The following TENM4 variants were observed in gnomAD, a reference collection of about 807,000 sequenced individuals.
The protein encoded by TENM4 is teneurin transmembrane protein 4.
In TENM4, 82 loss-of-function variants were observed where a neutral mutation model predicts 243.3. The ratio of observed to expected loss-of-function variants is 0.34; its 90% confidence interval spans 0.28 to 0.40. The LOEUF is 0.40. TENM4 is among the 10% of genes least tolerant of loss of function. The pLI is 1.00. For synonymous variants in TENM4, 1,412 were observed against 1,456.3 expected (o/e 0.97, Z 0.69); for missense variants, 3,138 against 3,673.3 (o/e 0.85, Z 3.77).
intron 28 of TENM4, among the ~76,000 whole-genome samples, chr11:78,696,116 T>C (rs1025899690): frequency 6.6e-6 from 1 of 152,118 alleles, no homozygotes; most frequent in Non-Finnish European, 1.5e-5. Context: ...TTGGGTAATT[T>C]CTATTAACCA....
intron 10 of TENM4, among the ~76,000 whole-genome samples, chr11:78,860,530 G>A (rs968529097): frequency 9.2e-5 from 14 of 152,228 alleles, no homozygotes; most frequent in Admixed American, 3.3e-4. Flanking sequence ...CAGAAGGGAT[G>A]AGAAATATGT....
chr11:79,120,941 G>T (rs944257795), intron 4 of TENM4, among the ~76,000 whole-genome samples: 1 of 152,206 alleles, frequency 6.6e-6, no homozygotes, highest in African/African-American at 2.4e-5. Context: ...TGATAAAACT[G>T]AGGCCTCGGG....
intron 26 of TENM4, among the ~76,000 whole-genome samples, chr11:78,708,959 CTTTT>C (rs374229495): frequency 6.7e-5 from 8 of 119,058 alleles, no homozygotes; most frequent in South Asian, 2.4e-4. Context: ...TCTTTTCTTT[CTTTT>C]TCTTTCTTTT....
chr11:78,665,147 CTTTCT>C (rs1009822522), intron 32 of TENM4, among the ~76,000 whole-genome samples: 6 of 151,856 alleles, frequency 4.0e-5, no homozygotes, highest in Admixed American at 6.6e-5. Context: ...TTCCTTCCTT[CTTTCT>C]TTTCTTTTCT....
chr11:79,156,719 T>C (rs1165593449), intron 3 of TENM4, among the ~76,000 whole-genome samples: 2 of 152,202 alleles, frequency 1.3e-5, no homozygotes, highest in Admixed American at 1.3e-4. Flanking sequence ...CTCCGATAAA[T>C]GTCTCCTGTG....
intron 10 of TENM4, among the ~76,000 whole-genome samples, chr11:78,856,809 T>C (rs1206124863): frequency 6.6e-6 from 1 of 152,170 alleles, no homozygotes; most frequent in African/African-American, 2.4e-5. Context: ...TCCTTTGTCT[T>C]TGGATGAGGG....
At chr11:79,355,169 A>G (rs561795402) in intron 1 of TENM4, among the ~76,000 whole-genome samples, 2 of 152,378 alleles carry the variant, frequency 1.3e-5, no homozygotes, top group South Asian at 4.1e-4. Context: ...ATCAAAACTC[A>G]GCAAGTTTGA....
At chr11:79,261,952 C>A (rs567792717) in intron 2 of TENM4, among the ~76,000 whole-genome samples, 1 of 152,206 alleles carries the variant, frequency 6.6e-6, no homozygotes, top group African/African-American at 2.4e-5. Context: ...AAGGGGCCTG[C>A]GGAGGAACAT....
At chr11:78,942,306 G>A (rs536753213) in intron 6 of TENM4, among the ~76,000 whole-genome samples, 4 of 119,552 alleles carry the variant, frequency 3.3e-5, no homozygotes, top group Non-Finnish European at 6.8e-5. Flanking sequence ...AAAAAGCTGG[G>A]CATGGTGGCA....
intron 6 of TENM4, among the ~76,000 whole-genome samples, chr11:78,913,620 TGTGTGTG>T (rs1565123299): frequency 2.0e-4 from 29 of 148,220 alleles, no homozygotes; most frequent in Non-Finnish European, 4.2e-4. Flanking sequence ...TGTGTGTGTG[TGTGTGTG>T]TGAGTGTCGG....
chr11:79,269,005 A>G (rs1855925024), intron 2 of TENM4, among the ~76,000 whole-genome samples: 1 of 152,252 alleles, frequency 6.6e-6, no homozygotes, highest in South Asian at 2.1e-4. Flanking sequence ...AATAGAACAC[A>G]CACGAAACCA....
chr11:79,281,623 A>T (rs571620031), intron 2 of TENM4, among the ~76,000 whole-genome samples: 66 of 152,252 alleles, frequency 4.3e-4, no homozygotes, highest in African/African-American at 1.4e-3. Flanking sequence ...CTGTAGGGCC[A>T]TGGAGGGAAA....
At chr11:78,717,794 T>C (rs1488296656) in intron 25 of TENM4, among the ~76,000 whole-genome samples, 2 of 152,332 alleles carry the variant, frequency 1.3e-5, no homozygotes, top group African/African-American at 2.4e-5. Context: ...TGAGTTAATA[T>C]AATATGTGTA....
At chr11:78,896,604 A>T (rs1038472069) in intron 7 of TENM4, among the ~76,000 whole-genome samples, 11 of 152,068 alleles carry the variant, frequency 7.2e-5, no homozygotes, top group African/African-American at 2.7e-4. Context: ...GCTTGAGCCA[A>T]CTACTTGCCA....
intron 28 of TENM4, among the ~76,000 whole-genome samples, chr11:78,697,810 T>C (rs1250147651): frequency 6.6e-6 from 1 of 152,152 alleles, no homozygotes; most frequent in Non-Finnish European, 1.5e-5. Context: ...GGGTTGCTCA[T>C]ATCCATCCAG....
chr11:79,235,918 C>G (rs113368101), intron 2 of TENM4, among the ~76,000 whole-genome samples: 2 of 151,880 alleles, frequency 1.3e-5, no homozygotes, highest in Non-Finnish European at 2.9e-5. Flanking sequence ...TGGATTCTTT[C>G]GTGCCCTGAT....
At chr11:79,141,874 A>G (rs1263335062) in intron 4 of TENM4, among the ~76,000 whole-genome samples, 1 of 152,180 alleles carries the variant, frequency 6.6e-6, no homozygotes, top group Non-Finnish European at 1.5e-5. Context: ...ATATCATATT[A>G]ATAGAATGAA....
At chr11:79,413,202 G>C (rs1858738786) in intron 1 of TENM4, among the ~76,000 whole-genome samples, 1 of 152,220 alleles carries the variant, frequency 6.6e-6, no homozygotes, top group Admixed American at 6.5e-5. Context: ...GGCACCTTGT[G>C]TTCCAAATCT....
chr11:79,428,304 G>A (rs887303594), intron 1 of TENM4, among the ~76,000 whole-genome samples: 1 of 152,178 alleles, frequency 6.6e-6, no homozygotes, highest in African/African-American at 2.4e-5. Context: ...AAATCAGACC[G>A]CTGAGTAGAA....
Sources: allele counts gnomAD v4.1 joint callset (sites outside exome capture counted in the v4.1 genomes callset), GRCh38; gene constraint gnomAD v4.1.1; transcripts MANE v1.5; gene names NCBI Gene and HGNC (gene_info 2026-07-23, HGNC 2026-07-21).